The following CYTH4 variants were observed in gnomAD, a reference collection of about 807,000 sequenced individuals.
CYTH4 encodes cytohesin-4.
Under a neutral mutation model 57.5 loss-of-function variants are expected in CYTH4, and 22 were observed. The ratio of observed to expected loss-of-function variants is 0.38; its 90% CI spans 0.27 to 0.55. The LOEUF is 0.55. Among genes scored for constraint, CYTH4 ranks in the 20% least tolerant of loss-of-function variants. The probability of loss-of-function intolerance (pLI) is 0.74; values close to 1 mark genes in which losing one functional copy is unlikely to be tolerated. For missense variants in CYTH4, 420 were observed against 535.6 expected (o/e 0.78, Z 2.13); for synonymous variants, 186 against 206.5 (o/e 0.90, Z 0.85).
rs546491235 is a variant in CYTH4 at position 37,303,908 on chromosome 22, C to G, written c.696+506C>G. Among the ~76,000 whole-genome samples, 12 of 152,358 alleles carry G rather than the reference C, an allele frequency of 7.9e-5. No individual in the cohort carries two copies. The East Asian group carries it at 2.3e-3, about 29-fold the overall frequency. Reference sequence around the variant, plus strand: ...CCTCAAATAGCCTGCACCCCTGCCACACCATGCCAGGCTCTGCGCCCAGCA... The same window carrying G: ...CCTCAAATAGCCTGCACCCCTGCCAGACCATGCCAGGCTCTGCGCCCAGCA... On this transcript the variant is annotated intron_variant, in intron 8 of 12. Coordinates refer to ENST00000248901, the MANE Select transcript of CYTH4 (RefSeq NM_013385.5).
intron 7 of CYTH4, among the ~76,000 whole-genome samples, chr22:37,303,011 T>A (rs545420940): frequency 1.3e-5 from 2 of 151,802 alleles, no homozygotes; most frequent in African/African-American, 4.8e-5. Flanking sequence ...TGGCAGGGGA[T>A]CCAGCAGGAG....
chr22:37,296,896 A>T (rs1445709952), intron 4 of CYTH4, among the ~76,000 whole-genome samples: 2 of 152,178 alleles, frequency 1.3e-5, no homozygotes, highest in African/African-American at 4.8e-5. Context: ...AGGAATCTTC[A>T]CGGAGAGCCA....
At position 37,315,268 on chromosome 22, in the gene CYTH4, G is replaced by A. The variant is rs948165022; in HGVS notation, c.*1757G>A. 1 of 152,334 alleles carries A rather than the reference G, an allele frequency of 6.6e-6. No individual in the cohort carries two copies. Among genetic ancestry groups the A allele is most frequent in the Non-Finnish European group, 1.5e-5 (1 of 68,140 alleles). 9.4% of individuals were successfully genotyped at this position (152,334 alleles called of 1,614,324 possible). A position where few individuals can be genotyped will look rare whatever the true frequency, so the allele number is the denominator to read the frequency against. ...AGCTTCCTCCATCATGGAGGAGATG[G>A]GATCATGGATTTTCTGGGCATAAGT... On this transcript the variant is annotated 3_prime_UTR_variant, in exon 13 of 13. Coordinates refer to ENST00000248901, the MANE Select transcript of CYTH4 (RefSeq NM_013385.5).
intron 8 of CYTH4, among the ~76,000 whole-genome samples, chr22:37,305,304 T>G (rs1470285780): frequency 6.6e-6 from 1 of 152,186 alleles, no homozygotes; most frequent in African/African-American, 2.4e-5. Flanking sequence ...TGGGGTCTAT[T>G]ATCTCAATTT....
At chr22:37,300,031 A>G (rs1473480149) in intron 6 of CYTH4, 2 of 716,858 alleles carry the variant, frequency 2.8e-6, no homozygotes, top group Admixed American at 2.0e-5. Flanking sequence ...CAGTTTCCTC[A>G]TCCGTAGAAT....
At position 37,313,523 on chromosome 22, in the gene CYTH4, G is replaced by A. The variant is rs1165828308; in HGVS notation, c.*12G>A. ...CCAGCAAGCAGTGAGATTCCTGGAG[G>A]TGGCACTGGGGGCTGGTCACCCTGA... On this transcript the variant is annotated 3_prime_UTR_variant, in exon 13 of 13. Coordinates refer to ENST00000248901, the MANE Select transcript of CYTH4 (RefSeq NM_013385.5). 6.2e-7 allele frequency: 1 copy of A among 1,613,792 alleles called. No individual in the cohort carries two copies.
At chr22:37,308,821 A>G (rs531140590) in intron 8 of CYTH4, among the ~76,000 whole-genome samples, 2 of 151,292 alleles carry the variant, frequency 1.3e-5, no homozygotes, top group Non-Finnish European at 2.9e-5. Context: ...TGTATGTGTG[A>G]GCATGCATTT....
chr22:37,312,963 T>C (rs1929703046), intron 12 of CYTH4, among the ~76,000 whole-genome samples: 1 of 152,242 alleles, frequency 6.6e-6, no homozygotes, highest in Non-Finnish European at 1.5e-5. Context: ...TCTTTTCCCC[T>C]GGGCCTTGTG....
chr22:37,287,153 G>A (rs1051533422), intron 1 of CYTH4, among the ~76,000 whole-genome samples: 1 of 152,078 alleles, frequency 6.6e-6, no homozygotes, highest in Admixed American at 6.5e-5. Context: ...ATACATAGGG[G>A]ATGGTTGGAT....
chr22:37,312,285 C>T, intron 12 of CYTH4, 111 bp downstream of exon 12: 1 of 1,421,716 alleles, frequency 7.0e-7, no homozygotes, highest in South Asian at 1.4e-5. Flanking sequence ...TCTCTCCCTC[C>T]TGTTTCTGGC....
At chr22:37,297,238 T>C (rs1201244664) in intron 4 of CYTH4, among the ~76,000 whole-genome samples, 2 of 152,196 alleles carry the variant, frequency 1.3e-5, no homozygotes, top group African/African-American at 2.4e-5. Flanking sequence ...GGCTGAATCA[T>C]TGAATCTCAG....
intron 1 of CYTH4, among the ~76,000 whole-genome samples, chr22:37,284,573 G>A (rs969553629): frequency 5.9e-5 from 9 of 152,166 alleles, no homozygotes; most frequent in South Asian, 4.1e-4. Flanking sequence ...TCTGAGTTCT[G>A]ATTTGTCATC....
At chr22:37,292,941 G>C (rs990224169) in intron 2 of CYTH4, among the ~76,000 whole-genome samples, 1 of 152,152 alleles carries the variant, frequency 6.6e-6, no homozygotes, top group African/African-American at 2.4e-5. Context: ...CGCCCACCGT[G>C]TGCCGATCCT....
intron 4 of CYTH4, among the ~76,000 whole-genome samples, chr22:37,296,959 G>C (rs1308358104): frequency 6.6e-6 from 1 of 152,176 alleles, no homozygotes; most frequent in African/African-American, 2.4e-5. Context: ...TGAGTGCCTT[G>C]GTGGTGAGGA....
chr22:37,305,300 C>T (rs778454954), intron 8 of CYTH4, among the ~76,000 whole-genome samples: 2 of 152,148 alleles, frequency 1.3e-5, no homozygotes, highest in Non-Finnish European at 2.9e-5. Flanking sequence ...GCTTTGGGGT[C>T]TATTATCTCA....
rs867900605 is a variant in CYTH4, at chr22:37,299,238, C to T, written c.366C>T (p.Asn122=). The T allele has an allele frequency of 6.2e-7, 1 of 1,604,346 alleles. No individual in the cohort carries two copies. The highest frequency in any genetic ancestry group is 1.1e-5 in the South Asian group (1 of 90,898). ...CCTCCTCCCCCAGGGATCCCATCAA[C>T]CTGCAGGTCCTCCAGGCCTTCGTGG... ...GTYLGERDPI[N]LQVLQAFVDC... Residue 122 remains asparagine, a synonymous_variant, in exon 6 of 13, where the codon AAC becomes AAT. Transcript: ENST00000248901.
rs971422013 is a variant in CYTH4, at chr22:37,311,875, T to C, written c.958-145T>C. The stretch of plus-strand genomic sequence containing the variant: ...AGCCTGCCACAGAGAGAGTGCTCAG[T>C]GTGGGAGCAGCAGCTCCTGCCCCTT... On this transcript the variant is annotated intron_variant, in intron 11 of 12. Transcript: ENST00000248901. The surrounding 1 kb of genome is among the most constrained non-coding windows in gnomAD (Gnocchi z 4.4). 7 of 1,033,560 alleles carry C rather than the reference T, an allele frequency of 6.8e-6. No homozygotes were observed. The East Asian group carries it at 7.8e-5, about 11-fold the overall frequency. 64.0% of individuals were successfully genotyped at this position (1,033,560 alleles called of 1,614,324 possible).
intron 12 of CYTH4, among the ~76,000 whole-genome samples, chr22:37,312,803 G>A (rs957173426): frequency 1.3e-5 from 2 of 152,202 alleles, no homozygotes; most frequent in African/African-American, 4.8e-5. Context: ...AGAGACATGA[G>A]GAAGATGCAT....
At position 37,311,625 on chromosome 22, in the gene CYTH4, C is replaced by A; in HGVS notation, c.957+98C>A. On this transcript the variant is annotated intron_variant, in intron 11 of 12. Transcript: ENST00000248901. The surrounding 1 kb of genome is among the most constrained non-coding windows in gnomAD (Gnocchi z 4.4). ...GCCTGAGGCTGGGCTCTCCAGGAAGCCAGGCTGTGCCCCTTACACCTTCCC... is the reference window on the plus strand; with the variant it reads ...GCCTGAGGCTGGGCTCTCCAGGAAGACAGGCTGTGCCCCTTACACCTTCCC... 2 of 1,224,802 alleles carry A rather than the reference C, an allele frequency of 1.6e-6. No homozygotes were observed. Among genetic ancestry groups the A allele is most frequent in the Admixed American group, 1.8e-5 (1 of 56,378 alleles). 75.9% of individuals were successfully genotyped at this position (1,224,802 alleles called of 1,614,324 possible). A position where few individuals can be genotyped will look rare whatever the true frequency, so the allele number is the denominator to read the frequency against.
Sources: allele counts gnomAD v4.1 joint callset (sites outside exome capture counted in the v4.1 genomes callset), GRCh38; gene constraint gnomAD v4.1.1; non-coding constraint Gnocchi (gnomAD v3.1); transcripts MANE v1.5; gene names NCBI Gene and HGNC (gene_info 2026-07-23, HGNC 2026-07-21).